LY6S: variants seen among roughly 807,000 people sequenced by gnomAD.
The protein encoded by LY6S is lymphocyte antigen 6S.
chr8:143,054,644 C>T, the LY6S span, among the ~76,000 whole-genome samples: 1 of 152,196 alleles, frequency 6.6e-6, no homozygotes, highest in South Asian at 2.1e-4. Context: ...GCTTACAGCT[C>T]CCTCCATCTA....
chr8:143,070,093 C>A, the LY6S span, among the ~76,000 whole-genome samples: 2 of 151,860 alleles, frequency 1.3e-5, no homozygotes, highest in Admixed American at 1.3e-4. Flanking sequence ...CCCTGGGGCA[C>A]CTCTCCTTGG....
chr8:143,052,004 G>A, the LY6S span, among the ~76,000 whole-genome samples: 3 of 149,502 alleles, frequency 2.0e-5, no homozygotes, highest in African/African-American at 7.4e-5. Context: ...GAAAAAAGCC[G>A]GGCGTGGTGG....
the LY6S span, chr8:143,066,026 C>A: frequency 2.7e-6 from 1 of 375,844 alleles, no homozygotes; most frequent in Non-Finnish European, 5.1e-6. Context: ...CCTTGCTGTG[C>A]ATTGCACAAC....
chr8:143,070,491 T>TA, the LY6S span, among the ~76,000 whole-genome samples: 29 of 83,544 alleles, frequency 3.5e-4, no homozygotes, highest in Middle Eastern at 6.6e-3. Context: ...ATATATATAT[T>TA]TTTTTTTTTT....
the LY6S span, among the ~76,000 whole-genome samples, chr8:143,071,734 A>G: frequency 1.3e-5 from 2 of 152,164 alleles, no homozygotes; most frequent in South Asian, 4.1e-4. Context: ...CATCCCCACA[A>G]GCTCGCAGGA....
chr8:143,070,440 TATATTGTA>T, the LY6S span, among the ~76,000 whole-genome samples: 3 of 74,944 alleles, frequency 4.0e-5, 1 homozygote, highest in African/African-American at 2.7e-4. Flanking sequence ...ATATTATATA[TATATTGTA>T]TATATATATA....
the LY6S span, chr8:143,044,623 TCTAAGAAGTGC>T: frequency 3.8e-6 from 5 of 1,328,242 alleles, no homozygotes; most frequent in East Asian, 2.4e-4. Context: ...CATGCAGCTA[TCTAAGAAGTGC>T]CCCTCCCTCC....
At chr8:143,073,864 GCCA>G in the LY6S span, among the ~76,000 whole-genome samples, 4 of 146,372 alleles carry the variant, frequency 2.7e-5, no homozygotes, top group Admixed American at 6.9e-5. Context: ...TGAGGAGACA[GCCA>G]TCGTCCCCGG....
At chr8:143,050,738 C>G in the LY6S span, among the ~76,000 whole-genome samples, 1 of 152,158 alleles carries the variant, frequency 6.6e-6, no homozygotes, top group Non-Finnish European at 1.5e-5. Context: ...GAATAGACCT[C>G]AGGGGTGCAC....
the LY6S span, among the ~76,000 whole-genome samples, chr8:143,073,438 T>C: frequency 4.6e-3 from 329 of 70,836 alleles, no homozygotes; most frequent in Middle Eastern, 0.013. Flanking sequence ...GTCCTCGGGG[T>C]TCCTGTTTGA....
the LY6S span, among the ~76,000 whole-genome samples, chr8:143,045,001 C>T: frequency 6.6e-6 from 1 of 152,204 alleles, no homozygotes; most frequent in Non-Finnish European, 1.5e-5. The surrounding 1 kb of genome is among the most constrained non-coding windows in gnomAD (Gnocchi z 5.3). Context: ...TCCAACACCA[C>T]CTCTTTGTCC....
chr8:143,056,158 G>A, the LY6S span, among the ~76,000 whole-genome samples: 1 of 148,242 alleles, frequency 6.7e-6, no homozygotes, highest in Non-Finnish European at 1.5e-5. Flanking sequence ...GGTGGTGGGG[G>A]TGGCACTATC....
At chr8:143,049,332 ACT>A in the LY6S span, 1 of 532,128 alleles carries the variant, frequency 1.9e-6, no homozygotes, top group Non-Finnish European at 3.9e-6. Flanking sequence ...CTTTTGTTAC[ACT>A]GTTTGTCCTG....
chr8:143,069,074 A>G, the LY6S span, among the ~76,000 whole-genome samples: 812 of 152,256 alleles, frequency 5.3e-3, 5 homozygotes, highest in African/African-American at 0.019. Flanking sequence ...CAACTCACCA[A>G]GGAAGCGAGC....
At chr8:143,049,656 A>G in the LY6S span, among the ~76,000 whole-genome samples, 1 of 152,196 alleles carries the variant, frequency 6.6e-6, no homozygotes, top group South Asian at 2.1e-4. Flanking sequence ...ACTCCCCAGC[A>G]TCCCCCGCAC....
At chr8:143,067,318 A>G in the LY6S span, among the ~76,000 whole-genome samples, 2 of 152,252 alleles carry the variant, frequency 1.3e-5, no homozygotes, top group Non-Finnish European at 2.9e-5. Flanking sequence ...TCACAGAAAC[A>G]TGTGCTGTAT....
the LY6S span, among the ~76,000 whole-genome samples, chr8:143,060,760 T>C: frequency 1.3e-5 from 2 of 152,018 alleles, no homozygotes; most frequent in African/African-American, 4.8e-5. Context: ...CGATCTCTCA[T>C]CTCCACACAC....
At chr8:143,054,933 C>T in the LY6S span, among the ~76,000 whole-genome samples, 1,308 of 152,308 alleles carry the variant, frequency 8.6e-3, 12 homozygotes, top group African/African-American at 0.028. Context: ...TGCCGTAGTC[C>T]TGCAAAACCG....
At chr8:143,045,979 G>C in the LY6S span, among the ~76,000 whole-genome samples, 2 of 151,922 alleles carry the variant, frequency 1.3e-5, no homozygotes, top group African/African-American at 4.8e-5. This position sits in a 1 kb window ranked among gnomAD's most constrained non-coding sequence, Gnocchi z 5.3. Flanking sequence ...TCAGCCTCCC[G>C]AGTAGCTGTG....
Sources: gnomAD v4.1 joint callset for allele counts (sites outside exome capture counted in the v4.1 genomes callset) on GRCh38, gnomAD v4.1.1 for gene constraint, Gnocchi (gnomAD v3.1) non-coding constraint, MANE v1.5 for transcripts, NCBI Gene and HGNC (gene_info 2026-07-23, HGNC 2026-07-21) for gene names.